The following SUCLG1 variants were observed in gnomAD, a reference collection of about 807,000 sequenced individuals.
The protein encoded by SUCLG1 is succinate--CoA ligase [ADP/GDP-forming] subunit alpha, mitochondrial.
In SUCLG1, 26 loss-of-function variants were observed where a neutral mutation model predicts 37.3. The ratio of observed to expected loss-of-function variants is 0.70; its 90% CI spans 0.51 to 0.97. The LOEUF (loss-of-function observed/expected upper bound fraction) is 0.97. Among genes scored for constraint, SUCLG1 ranks in the 50% least tolerant of loss-of-function variants. SUCLG1 has a pLI of 0.00. For missense variants in SUCLG1, 433 were observed against 432.9 expected (o/e 1.00, Z 0.00); for synonymous variants, 163 against 155.6 (o/e 1.05, Z -0.36).
intron 7 of SUCLG1, chr2:84,426,423 T>C (rs6725858): frequency 0.97 from 146,978 of 152,266 alleles, 70,983 homozygotes; most frequent in East Asian, 1. Context: ...AATCCCAGCA[T>C]TTTGGGAGGC....
chr2:84,425,436 C>T lies in SUCLG1; in HGVS notation c.993G>A (p.Gln331=). The T allele has an allele frequency of 1.2e-6, 2 of 1,614,184 alleles. No individual in the cohort carries two copies. Among genetic ancestry groups the T allele is most frequent in the Non-Finnish European group, 1.7e-6 (2 of 1,180,028 alleles). ...AGVVVSMSPA[Q]LGTTIYKEFE... is the part of the protein sequence containing the mutation. ...TCACCTTGTAGATCGTGGTTCCCAG[C>T]TGTGCAGGAGACATACTGACCACAA... is the stretch of plus-strand genomic sequence containing the variant. Residue 331 remains glutamine, a synonymous_variant, in exon 8 of 9, where the codon CAG becomes CAA. Coordinates refer to ENST00000393868, the MANE Select transcript of SUCLG1 (RefSeq NM_003849.4).
chr2:84,429,587 GCAGAAGGAAC>G (rs1454345649), intron 7 of SUCLG1, among the ~76,000 whole-genome samples: 1 of 152,056 alleles, frequency 6.6e-6, no homozygotes, highest in Non-Finnish European at 1.5e-5. Flanking sequence ...AGCATTCCTT[GCAGAAGGAAC>G]AAGCAAAGGC....
chr2:84,433,071 C>T (rs1380507482), intron 6 of SUCLG1: 8 of 485,940 alleles, frequency 1.6e-5, no homozygotes, highest in Non-Finnish European at 2.6e-5. Flanking sequence ...ACCATTTCTT[C>T]AGAGCAATCA....
intron 1 of SUCLG1, among the ~76,000 whole-genome samples, chr2:84,455,312 T>A (rs1489435485): frequency 1.3e-5 from 2 of 151,804 alleles, no homozygotes; most frequent in African/African-American, 4.8e-5. Flanking sequence ...CTGACCAACA[T>A]GGAGAAACCC....
intron 7 of SUCLG1, among the ~76,000 whole-genome samples, chr2:84,429,154 T>C (rs1672579291): frequency 6.6e-6 from 1 of 152,180 alleles, no homozygotes; most frequent in Non-Finnish European, 1.5e-5. Flanking sequence ...TCTGAACTGC[T>C]TAACTTACAA....
chr2:84,445,690 CT>C (rs1647954095), intron 2 of SUCLG1, among the ~76,000 whole-genome samples: 1 of 152,184 alleles, frequency 6.6e-6, no homozygotes, highest in Non-Finnish European at 1.5e-5. Context: ...ATTTCTCTAT[CT>C]TCAAAGTATA....
chr2:84,447,750 A>G (rs1340779344), intron 2 of SUCLG1, among the ~76,000 whole-genome samples: 1 of 151,886 alleles, frequency 6.6e-6, no homozygotes, highest in Admixed American at 6.6e-5. Context: ...TTTTTTTTTG[A>G]GACAGGGTCT....
chr2:84,428,366 C>A (rs1672566424), intron 7 of SUCLG1, among the ~76,000 whole-genome samples: 1 of 152,072 alleles, frequency 6.6e-6, no homozygotes, highest in Non-Finnish European at 1.5e-5. Flanking sequence ...ACTATGAATT[C>A]CCTGAACACA....
intron 1 of SUCLG1, among the ~76,000 whole-genome samples, chr2:84,456,973 T>C (rs1328920763): frequency 1.3e-5 from 2 of 152,152 alleles, no homozygotes; most frequent in Non-Finnish European, 2.9e-5. Context: ...CTTTTCCTTT[T>C]TTCATAAGCT....
chr2:84,441,133 T>C, intron 4 of SUCLG1, 29 bp from the exon 5 acceptor site: 1 of 1,613,566 alleles, frequency 6.2e-7, no homozygotes, highest in East Asian at 2.2e-5. Context: ...TTCAGAAATG[T>C]TAAAAAAAAA....
In SUCLG1 at chr2:84,458,231, T is replaced by C. The variant is rs74540731; in HGVS notation, c.97+942A>G. Among the ~76,000 whole-genome samples, 312 of 152,230 alleles carry C rather than the reference T, an allele frequency of 2.0e-3. 4 individuals are homozygous for C. The East Asian group carries it at 0.044, about 22-fold the overall frequency. The stretch of plus-strand genomic sequence containing the variant: ...GACAACCACTGGTGTGTCACAGTTT[T>C]AATAAGCAATCGTTCTTCATTGTTA... On this transcript the variant is annotated intron_variant, in intron 1 of 8. Coordinates refer to ENST00000393868, the MANE Select transcript of SUCLG1 (RefSeq NM_003849.4).
intron 5 of SUCLG1, among the ~76,000 whole-genome samples, chr2:84,438,417 G>A (rs1024581550): frequency 6.6e-6 from 1 of 152,098 alleles, no homozygotes; most frequent in Non-Finnish European, 1.5e-5. Context: ...CACTTTCTTC[G>A]ATAACACTCA....
intron 7 of SUCLG1, among the ~76,000 whole-genome samples, chr2:84,431,121 T>C (rs1410226806): frequency 6.6e-6 from 1 of 152,140 alleles, no homozygotes; most frequent in Non-Finnish European, 1.5e-5. Flanking sequence ...ATAGGATCTT[T>C]AGGTCAGCCT....
chr2:84,452,161 C>T (rs1353226078), intron 1 of SUCLG1, among the ~76,000 whole-genome samples: 3 of 149,984 alleles, frequency 2.0e-5, no homozygotes, highest in East Asian at 2.0e-4. Flanking sequence ...GCCATAACTG[C>T]GTGGTGTGTG....
At chr2:84,445,660 T>G (rs1274960190) in intron 2 of SUCLG1, among the ~76,000 whole-genome samples, 1 of 152,226 alleles carries the variant, frequency 6.6e-6, no homozygotes, top group African/African-American at 2.4e-5. Flanking sequence ...TGTCCCATAT[T>G]AGATCCATTA....
chr2:84,434,686 G>C (rs959249699), intron 5 of SUCLG1, among the ~76,000 whole-genome samples: 3 of 152,108 alleles, frequency 2.0e-5, no homozygotes, highest in African/African-American at 7.2e-5. Flanking sequence ...CTAACAATAT[G>C]ATCACCCTAC....
At chr2:84,445,495 T>A (rs531839050) in intron 2 of SUCLG1, among the ~76,000 whole-genome samples, 91 of 152,244 alleles carry the variant, frequency 6.0e-4, no homozygotes, top group Non-Finnish European at 1.2e-3. Context: ...ACCTCCACTT[T>A]GAGAACTAGC....
chr2:84,452,745 G>A (rs1573376640), intron 1 of SUCLG1, among the ~76,000 whole-genome samples: 2 of 152,148 alleles, frequency 1.3e-5, no homozygotes, highest in South Asian at 4.1e-4. Flanking sequence ...AACTCCATGA[G>A]TGTCAGGACC....
Position 84,441,294 on chromosome 2 carries a change from G to A in SUCLG1, c.484C>T (p.Gln162Ter). Residue 162 changes from glutamine to a stop codon, truncating the protein, a stop_gained, in exon 4 of 9, where the codon CAG becomes TAG. Coordinates refer to ENST00000393868, the MANE Select transcript of SUCLG1 (RefSeq NM_003849.4). LOFTEE classifies it high-confidence loss of function. ...GGCCCAATTAGCCTTGTCTTTTCCT[G>A]GCGCAGCAGTTTGTGCTTGACTCGT... Reference protein sequence around the residue: ...MVRVKHKLLRQEKTRLIGPNC... With the variant: ...MVRVKHKLLR The A allele has an allele frequency of 6.2e-7, 1 of 1,614,034 alleles. No homozygotes were observed. Among genetic ancestry groups the A allele is most frequent in the Non-Finnish European group, 8.5e-7 (1 of 1,180,028 alleles).
Sources: allele counts gnomAD v4.1 joint callset (sites outside exome capture counted in the v4.1 genomes callset), GRCh38; gene constraint gnomAD v4.1.1; transcripts MANE v1.5; gene names NCBI Gene and HGNC (gene_info 2026-07-23, HGNC 2026-07-21).